The following GRAMD1B variants were observed in gnomAD, a reference collection of about 807,000 sequenced individuals.
GRAMD1B encodes protein Aster-B.
In GRAMD1B, 37 loss-of-function variants were observed where a neutral mutation model predicts 99.7. The ratio of observed to expected loss-of-function variants is 0.37; its 90% CI spans 0.29 to 0.49. The LOEUF (loss-of-function observed/expected upper bound fraction) is 0.49. GRAMD1B is among the 20% of genes least tolerant of loss of function. GRAMD1B has a pLI of 0.98. For synonymous variants in GRAMD1B, 427 were observed against 387.6 expected, an observed-to-expected ratio of 1.10 and a Z score of -1.19; for missense variants, 888 against 1,009.2, an observed-to-expected ratio of 0.88 and a Z score of 1.63.
At chr11:123,466,209 G>C (rs1335444511) in intron 1 of GRAMD1B, among the ~76,000 whole-genome samples, 4 of 151,908 alleles carry the variant, frequency 2.6e-5, no homozygotes, top group Non-Finnish European at 5.9e-5. Flanking sequence ...CTGGGAGGTG[G>C]AGGTTGCAGT....
chr11:123,467,963 A>G (rs1249464663), intron 1 of GRAMD1B, among the ~76,000 whole-genome samples: 1 of 151,778 alleles, frequency 6.6e-6, no homozygotes, highest in Non-Finnish European at 1.5e-5. Context: ...TCCCGGGTTC[A>G]GGCGATTCTC....
intron 2 of GRAMD1B, among the ~76,000 whole-genome samples, chr11:123,546,174 C>G (rs1945024056): frequency 6.6e-6 from 1 of 152,242 alleles, no homozygotes; most frequent in African/African-American, 2.4e-5. Context: ...AAATTGGTCC[C>G]CTGAGTTAAA....
chr11:123,373,973 A>G (rs188242126), intron 1 of GRAMD1B, among the ~76,000 whole-genome samples: 2 of 152,350 alleles, frequency 1.3e-5, no homozygotes, highest in African/African-American at 4.8e-5. Context: ...ACAGCCATGT[A>G]GTCATCCATG....
chr11:123,508,311 C>G (rs1439089594), intron 2 of GRAMD1B, among the ~76,000 whole-genome samples: 3 of 152,060 alleles, frequency 2.0e-5, no homozygotes, highest in Non-Finnish European at 4.4e-5. Context: ...TTATTGGGAG[C>G]CCACTCTTAT....
intron 14 of GRAMD1B, among the ~76,000 whole-genome samples, chr11:123,611,676 A>G (rs1953593842): frequency 6.6e-6 from 1 of 152,094 alleles, no homozygotes; most frequent in South Asian, 2.1e-4. Context: ...AGCCATGCAG[A>G]GGTAGCTGGG....
intron 1 of GRAMD1B, among the ~76,000 whole-genome samples, chr11:123,403,363 G>A (rs538319161): frequency 5.4e-4 from 81 of 151,186 alleles, no homozygotes; most frequent in Non-Finnish European, 8.1e-4. Context: ...GGAGATGGAG[G>A]TTGCAGTGAG....
At chr11:123,437,443 G>T (rs551090764) in intron 1 of GRAMD1B, among the ~76,000 whole-genome samples, 1 of 152,178 alleles carries the variant, frequency 6.6e-6, no homozygotes, top group Admixed American at 6.5e-5. Flanking sequence ...AGTGAGTTGG[G>T]TGGTGGCCAA....
intron 1 of GRAMD1B, among the ~76,000 whole-genome samples, chr11:123,451,295 C>G (rs973914715): frequency 2.0e-5 from 3 of 152,192 alleles, no homozygotes; most frequent in Non-Finnish European, 4.4e-5. Context: ...AATCTATTAC[C>G]TCATTTGTTC....
rs1314544351 is a variant in GRAMD1B, at chr11:123,430,675, C to T, written c.-118C>T. 2 of 540,170 alleles carry T rather than the reference C, an allele frequency of 3.7e-6. No homozygotes were observed. Among genetic ancestry groups the T allele is most frequent in the African/African-American group, 4.1e-5 (2 of 49,300 alleles). The allele number at this position is 540,170 out of a possible 1,614,324, so 33.5% of individuals were successfully genotyped here. On this transcript the variant is annotated 5_prime_UTR_variant, in exon 1 of 20. Transcript: ENST00000635736. ...CTGCGCTCCGGGAAAGGAACTTGTT[C>T]CTTCGGCCCCAGGATTGGGGAGTGT...
chr11:123,522,985 A>C (rs1324385280), intron 2 of GRAMD1B, among the ~76,000 whole-genome samples: 2 of 152,230 alleles, frequency 1.3e-5, no homozygotes, highest in African/African-American at 4.8e-5. Flanking sequence ...GCACGCCTGC[A>C]TTCAAATTCC....
rs116918068 is a variant in GRAMD1B at position 123,576,662 on chromosome 11, G to T, written c.453-705G>T. On this transcript the variant is annotated intron_variant, in intron 2 of 19. Coordinates refer to ENST00000635736, the MANE Select transcript of GRAMD1B (RefSeq NM_001387025.1). ...GGGAATATGGAATGTGAGAACTTCGGCTGTGTGCATCTTTACCCTGGGCAG... is the reference window on the plus strand; with the variant it reads ...GGGAATATGGAATGTGAGAACTTCGTCTGTGTGCATCTTTACCCTGGGCAG... Among the ~76,000 whole-genome samples the T allele has an allele frequency of 4.4e-3, 670 of 152,316 alleles. 1 individual carries two copies. The highest frequency in any genetic ancestry group is 7.1e-3 in the Non-Finnish European group (483 of 68,030).
At chr11:123,538,004 A>C (rs1386316478) in intron 2 of GRAMD1B, among the ~76,000 whole-genome samples, 2 of 152,212 alleles carry the variant, frequency 1.3e-5, no homozygotes, top group South Asian at 4.1e-4. Context: ...TATAATTCAT[A>C]GTTGTCATCA....
At chr11:123,586,538 G>A (rs1201638342) in intron 4 of GRAMD1B, among the ~76,000 whole-genome samples, 1 of 152,188 alleles carries the variant, frequency 6.6e-6, no homozygotes, top group Non-Finnish European at 1.5e-5. Context: ...TCCCTCTGGG[G>A]GTCCGCCCTC....
intron 2 of GRAMD1B, among the ~76,000 whole-genome samples, chr11:123,483,674 A>T (rs1216138280): frequency 3.3e-5 from 5 of 152,252 alleles, no homozygotes; most frequent in African/African-American, 1.2e-4. Context: ...GGCATTAGCC[A>T]CCACTGCATT....
intron 8 of GRAMD1B, among the ~76,000 whole-genome samples, chr11:123,601,979 G>A (rs1179013949): frequency 6.6e-6 from 1 of 152,246 alleles, no homozygotes; most frequent in Non-Finnish European, 1.5e-5. Context: ...AAAGGGTGGA[G>A]CAGGGCAGTA....
chr11:123,568,071 T>C (rs1947596806), intron 2 of GRAMD1B, among the ~76,000 whole-genome samples: 1 of 152,236 alleles, frequency 6.6e-6, no homozygotes, highest in Admixed American at 6.5e-5. Flanking sequence ...TTGGATGGGC[T>C]GTCCCATCTT....
intron 1 of GRAMD1B, among the ~76,000 whole-genome samples, chr11:123,374,251 CCAGT>C (rs1276308950): frequency 1.3e-5 from 2 of 152,136 alleles, no homozygotes; most frequent in African/African-American, 2.4e-5. Flanking sequence ...CTCCCCTGCC[CCAGT>C]CAAACTGAGC....
intron 2 of GRAMD1B, among the ~76,000 whole-genome samples, chr11:123,544,953 C>T (rs888574065): frequency 5.9e-5 from 9 of 152,206 alleles, no homozygotes; most frequent in Middle Eastern, 3.2e-3. Context: ...GGGGCCAGAC[C>T]GCCTAGTCTC....
intron 2 of GRAMD1B, among the ~76,000 whole-genome samples, chr11:123,556,516 CTT>C (rs1946198934): frequency 6.6e-6 from 1 of 152,188 alleles, no homozygotes; most frequent in Non-Finnish European, 1.5e-5. Context: ...CTTAACTTCT[CTT>C]TCTTAGCCCT....
Sources: allele counts gnomAD v4.1 joint callset (sites outside exome capture counted in the v4.1 genomes callset), GRCh38; gene constraint gnomAD v4.1.1; transcripts MANE v1.5; gene names NCBI Gene and HGNC (gene_info 2026-07-23, HGNC 2026-07-21).